CRTAP: variants seen among roughly 807,000 people sequenced by gnomAD.
CRTAP encodes the protein cartilage-associated protein.
Under a neutral mutation model 42.7 loss-of-function variants are expected in CRTAP, and 33 were observed. The ratio of observed to expected loss-of-function variants is 0.77; its 90% CI spans 0.59 to 1.03. The LOEUF is 1.03. Ranked by LOEUF, CRTAP falls within the 50% of genes least tolerant of loss-of-function variation. The probability of loss-of-function intolerance (pLI) is 0.00; values close to 1 mark genes in which losing one functional copy is unlikely to be tolerated. For synonymous variants in CRTAP, 243 were observed against 217.7 expected (o/e 1.12, Z -1.02); for missense variants, 613 against 533.9 (o/e 1.15, Z -1.46).
chr3:33,138,494 C>G (rs1215707344), intron 6 of CRTAP, among the ~76,000 whole-genome samples: 1 of 151,870 alleles, frequency 6.6e-6, no homozygotes, highest in Admixed American at 6.6e-5. Flanking sequence ...CTTTCCAACC[C>G]CTAGTATTCA....
chr3:33,120,523 T>A, intron 2 of CRTAP, 30 bp downstream of exon 2: 3 of 1,576,394 alleles, frequency 1.9e-6, no homozygotes, highest in Non-Finnish European at 2.6e-6. Flanking sequence ...TGGCAGTTAG[T>A]GGCAACCTGG....
chr3:33,120,757 A>T (rs59622575), intron 2 of CRTAP, among the ~76,000 whole-genome samples: 3 of 152,206 alleles, frequency 2.0e-5, no homozygotes, highest in East Asian at 3.9e-4. Context: ...TAGTTTTAAG[A>T]GGGTAGATTA....
At position 33,145,349 on chromosome 3, in the gene CRTAP, G is replaced by C. The variant is rs72857502; in HGVS notation, c.*2901G>C. ...CGGGGGTGTTTGGCCCGAGGAGTCA[G>C]TGTTATTACTGGTGGATGCACCGTG... On this transcript the variant is annotated 3_prime_UTR_variant, in exon 7 of 7. Coordinates refer to ENST00000320954, the MANE Select transcript of CRTAP (RefSeq NM_006371.5). This position sits in a 1 kb window ranked among gnomAD's most constrained non-coding sequence, Gnocchi z 4.3. 0.044 allele frequency: 6,780 copies of C among 152,452 alleles called. 402 individuals are homozygous for C. Among genetic ancestry groups the C allele is most frequent in the African/African-American group, 0.13 (5,512 of 41,512 alleles). 9.4% of individuals were successfully genotyped at this position (152,452 alleles called of 1,614,324 possible). A position where few individuals can be genotyped will look rare whatever the true frequency, so the allele number is the denominator to read the frequency against.
intron 1 of CRTAP, among the ~76,000 whole-genome samples, chr3:33,117,146 G>A (rs932240134): frequency 6.6e-5 from 10 of 152,166 alleles, no homozygotes; most frequent in Non-Finnish European, 1.2e-4. Flanking sequence ...CTCTGTTTAT[G>A]GATAGAGAGG....
Position 33,136,046 on chromosome 3 carries a change from C to G in CRTAP, c.1152+1781C>G, listed in dbSNP as rs561360334. Among the ~76,000 whole-genome samples the G allele has an allele frequency of 1.7e-4, 26 of 152,316 alleles. No individual in the cohort carries two copies. In the South Asian group the frequency reaches 5.2e-3, roughly 30 times the overall value. On this transcript the variant is annotated intron_variant, in intron 6 of 6. Coordinates refer to ENST00000320954, the MANE Select transcript of CRTAP (RefSeq NM_006371.5). ...ACTTCCCATTTCTCCTCTGGGCCAA[C>G]ATTCCCACTCCTGCCTCCACCTCCA...
intron 5 of CRTAP, among the ~76,000 whole-genome samples, chr3:33,133,021 G>A (rs1448708932): frequency 6.6e-6 from 1 of 151,818 alleles, no homozygotes; most frequent in African/African-American, 2.4e-5. Context: ...AGGTTGCTGT[G>A]AGCCGAGATT....
In CRTAP at chr3:33,132,585, C is replaced by A; in HGVS notation, c.953C>A (p.Ala318Glu). Residue 318 changes from alanine (A) to glutamate (E), a missense_variant, in exon 5 of 7, where the codon GCA (alanine) becomes GAA (glutamate). Physicochemically the swap from Ala to Glu is moderately radical, Grantham distance 107 (BLOSUM62 -1). Coordinates refer to ENST00000320954, the MANE Select transcript of CRTAP (RefSeq NM_006371.5). ...GACCTGAAGAATGCAGCCCCCTGTGCAGTCAGCTATCTGCTCTTTGATCAG... is the reference window on the plus strand; with the variant it reads ...GACCTGAAGAATGCAGCCCCCTGTGAAGTCAGCTATCTGCTCTTTGATCAG... ...LNDLKNAAPC[A>E]VSYLLFDQND... The A allele has an allele frequency of 6.2e-7, 1 of 1,614,128 alleles. No individual in the cohort carries two copies. The highest frequency in any genetic ancestry group is 1.1e-5 in the South Asian group (1 of 91,086).
chr3:33,135,934 G>A (rs2030407168), intron 6 of CRTAP, among the ~76,000 whole-genome samples: 1 of 152,066 alleles, frequency 6.6e-6, no homozygotes, highest in South Asian at 2.1e-4. Flanking sequence ...AGTTGTACTT[G>A]TTATATCCAC....
At chr3:33,135,387 G>A (rs189706189) in intron 6 of CRTAP, among the ~76,000 whole-genome samples, 1 of 152,308 alleles carries the variant, frequency 6.6e-6, no homozygotes, top group African/African-American at 2.4e-5. Flanking sequence ...TCAGCATTTG[G>A]GAGGCCAAAG....
In CRTAP at chr3:33,144,405, C is replaced by G. The variant is rs763333599; in HGVS notation, c.*1957C>G. ...CTCAGGTCAGGTCTGCAGCAGAGCT[C>G]GAGACAGGGATCTGAATGCACTTGG... On this transcript the variant is annotated 3_prime_UTR_variant, in exon 7 of 7. Transcript: ENST00000320954. 6.6e-6 allele frequency: 1 copy of G among 152,154 alleles called. No individual in the cohort carries two copies. The highest frequency in any genetic ancestry group is 6.5e-5 in the Admixed American group (1 of 15,276). 9.4% of individuals were successfully genotyped at this position (152,154 alleles called of 1,614,324 possible).
intron 2 of CRTAP, among the ~76,000 whole-genome samples, chr3:33,121,732 C>T (rs1171346784): frequency 6.6e-6 from 1 of 152,176 alleles, no homozygotes; most frequent in Non-Finnish European, 1.5e-5. Context: ...CATGCCTCCA[C>T]TTGGCCTCTG....
chr3:33,130,250 G>C (rs1360419500), intron 4 of CRTAP, among the ~76,000 whole-genome samples, 183 bp downstream of exon 4: 1 of 152,224 alleles, frequency 6.6e-6, no homozygotes, highest in Non-Finnish European at 1.5e-5. Context: ...TGTAACCACA[G>C]TGCCTGGGTT....
rs770173723 is a variant in CRTAP, at chr3:33,114,553, G to A, written c.471+5G>A. 9 of 1,573,444 alleles carry A rather than the reference G, an allele frequency of 5.7e-6. No homozygotes were observed. The African/African-American group carries it at 1.2e-4, about 21-fold the overall frequency. On this transcript the variant is annotated splice_donor_5th_base_variant and intron_variant, in intron 1 of 6. Transcript: ENST00000320954. ...CTGCAGTTCGCTTACTTCAAGGCAA[G>A]TCCGCCTCGCCCCGTCCCAGGCCCC... is the stretch of plus-strand genomic sequence containing the variant.
intron 5 of CRTAP, 82 bp from the exon 6 acceptor site, chr3:33,134,100 C>A (rs1002683049): frequency 3.6e-5 from 33 of 925,482 alleles, no homozygotes; most frequent in South Asian, 2.2e-4. Context: ...TTAGAAAAAA[C>A]CCCATATCCT....
rs1453368481 is a variant in CRTAP at position 33,114,473 on chromosome 3, C to G, written c.396C>G (p.Ser132=). Residue 132 remains serine (S), a synonymous_variant, in exon 1 of 7, where the codon TCC becomes TCG. Transcript: ENST00000320954. ...CKQGLPAFRQ[S]QPSREVLADF... ...AGGGCCTGCCAGCCTTCCGCCAGTC[C>G]CAGCCCAGCCGCGAGGTGCTGGCGG... 5 of 1,599,236 alleles carry G rather than the reference C, an allele frequency of 3.1e-6. No homozygotes were observed. Among genetic ancestry groups the G allele is most frequent in the Non-Finnish European group, 3.4e-6 (4 of 1,174,926 alleles).
chr3:33,122,270 C>G (rs2125599414), intron 2 of CRTAP, among the ~76,000 whole-genome samples: 1 of 151,954 alleles, frequency 6.6e-6, no homozygotes, highest in South Asian at 2.1e-4. Flanking sequence ...CTGCTTGGTC[C>G]TTCTTGCTGC....
intron 2 of CRTAP, among the ~76,000 whole-genome samples, chr3:33,120,733 G>A (rs926699867): frequency 3.3e-5 from 5 of 152,102 alleles, no homozygotes; most frequent in Non-Finnish European, 2.9e-5. Flanking sequence ...TAGAAATATG[G>A]TCATTTAATT....
intron 1 of CRTAP, among the ~76,000 whole-genome samples, chr3:33,117,927 C>G (rs1157011193): frequency 1.3e-5 from 2 of 152,090 alleles, no homozygotes; most frequent in African/African-American, 2.4e-5. Context: ...CTTAAAAATC[C>G]TACTCTGTGC....
intron 1 of CRTAP, among the ~76,000 whole-genome samples, chr3:33,119,728 A>T (rs993124088): frequency 2.0e-5 from 3 of 152,186 alleles, no homozygotes; most frequent in East Asian, 3.8e-4. Flanking sequence ...AAGTTTAAGA[A>T]GGTGGTTATT....
Sources: gnomAD v4.1 joint callset for allele counts (sites outside exome capture counted in the v4.1 genomes callset) on GRCh38, gnomAD v4.1.1 for gene constraint, Gnocchi (gnomAD v3.1) non-coding constraint, MANE v1.5 for transcripts, NCBI Gene and HGNC (gene_info 2026-07-23, HGNC 2026-07-21) for gene names.